The following PRR14L variants were observed in gnomAD, a reference collection of about 807,000 sequenced individuals.
The protein encoded by PRR14L is proline rich 14 like.
A neutral mutation model predicts 155.0 loss-of-function variants in PRR14L; 80 were observed. That is an observed-to-expected ratio of 0.52 (90% confidence interval 0.43 to 0.62). The LOEUF (loss-of-function observed/expected upper bound fraction) is 0.62, where lower values mean the gene tolerates loss of function less well. PRR14L is among the 20% of genes least tolerant of loss of function. The pLI is 0.00. For missense variants in PRR14L, 2,469 were observed against 2,548.0 expected (o/e 0.97, Z 0.67); for synonymous variants, 883 against 916.0 (o/e 0.96, Z 0.65).
In PRR14L at chr22:31,725,547, T is replaced by C. The variant is rs775136663; in HGVS notation, c.538A>G (p.Arg180Gly). Residue 180 changes from arginine (R) to glycine (G), a missense_variant, in exon 3 of 9, where the codon AGG (arginine) becomes GGG (glycine). By Grantham distance (125) the Arg-to-Gly change is moderately radical. Coordinates refer to ENST00000327423, the MANE Select transcript of PRR14L (RefSeq NM_173566.3). The stretch of plus-strand genomic sequence containing the variant: ...TGAGAGAAATAAATACCTTTGCTCC[T>C]TAGAAAATCTTCAGGGAGGTCCACA... ...SHVDLPEDFL[R>G]SKEGNVQITA... 5.5e-5 allele frequency: 85 copies of C among 1,548,086 alleles called. 2 individuals are homozygous for C. In the South Asian group the frequency reaches 9.2e-4, roughly 17 times the overall value.
Position 31,716,772 on chromosome 22 carries a change from G to T in PRR14L, c.1067C>A (p.Thr356Lys), listed in dbSNP as rs766025737. ...TSDLSGPESR[T>K]ISLENCGFEG... ...AAAACCACAGTTTTCTAAGGATATT[G>T]TTCTGGATTCTGGACCAGACAAGTC... Residue 356 changes from threonine (T) to lysine (K), a missense_variant, in exon 4 of 9, where the codon ACA becomes AAA. Physicochemically the swap from Thr to Lys is moderately conservative, Grantham distance 78 (BLOSUM62 -1). Around this residue, in one of 2 missense-constraint regions of PRR14L, gnomAD observed 2,363 missense variants for 2,371.6 expected, o/e 1.00. Transcript: ENST00000327423. 3.9e-6 allele frequency: 6 copies of T among 1,551,812 alleles called. No individual in the cohort carries two copies. Among genetic ancestry groups the T allele is most frequent in the Admixed American group, 2.0e-5 (1 of 50,996 alleles).
chr22:31,733,113 G>A (rs973490727), intron 2 of PRR14L, among the ~76,000 whole-genome samples: 5 of 150,538 alleles, frequency 3.3e-5, no homozygotes, highest in Non-Finnish European at 5.9e-5. Context: ...TCAACCTCCC[G>A]AGTAGCTGGG....
At chr22:31,693,026 C>T (rs1430758908) in intron 7 of PRR14L, among the ~76,000 whole-genome samples, 1 of 152,022 alleles carries the variant, frequency 6.6e-6, no homozygotes, top group African/African-American at 2.4e-5. Flanking sequence ...TCCCATATAG[C>T]CCCTACCCTC....
intron 2 of PRR14L, among the ~76,000 whole-genome samples, chr22:31,733,496 G>C (rs1365102842): frequency 6.6e-6 from 1 of 151,806 alleles, no homozygotes; most frequent in Non-Finnish European, 1.5e-5. Context: ...GTAGAGACAG[G>C]CTTTCACCAT....
intron 2 of PRR14L, among the ~76,000 whole-genome samples, chr22:31,732,223 T>C (rs1326350051): frequency 1.3e-5 from 2 of 152,222 alleles, no homozygotes; most frequent in African/African-American, 2.4e-5. Context: ...TTGATTTGCA[T>C]TTTTTACTTA....
Position 31,712,417 on chromosome 22 carries a change from T to C in PRR14L, c.5422A>G (p.Ile1808Val), listed in dbSNP as rs368205235. The C allele has an allele frequency of 2.5e-5, 39 of 1,577,344 alleles. No individual in the cohort carries two copies. Among genetic ancestry groups the C allele is most frequent in the Non-Finnish European group, 3.3e-5 (38 of 1,160,958 alleles). Reference sequence around the variant, plus strand: ...GAGCAGTCTGCTCTGGTCTGGACTATGGCAGTGCCTCCATAGTCTTGGAGA... The same window carrying C: ...GAGCAGTCTGCTCTGGTCTGGACTACGGCAGTGCCTCCATAGTCTTGGAGA... The part of the protein sequence containing the change: ...APLQDYGGTA[I>V]VQTRADCSVL... Residue 1808 changes from isoleucine (I) to valine (V), a missense_variant, in exon 4 of 9, where the codon ATA (isoleucine) becomes GTA (valine). By Grantham distance (29) the Ile-to-Val change is conservative. Around this residue, in one of 2 missense-constraint regions of PRR14L, gnomAD observed 2,363 missense variants for 2,371.6 expected, o/e 1.00. Transcript: ENST00000327423.
At chr22:31,686,896 C>T (rs2074484839) in intron 8 of PRR14L, among the ~76,000 whole-genome samples, 1 of 152,184 alleles carries the variant, frequency 6.6e-6, no homozygotes. Context: ...TAAATGTTCA[C>T]TGACTTGAAT....
rs568211816 is a variant in PRR14L, at chr22:31,682,336, G to C, written c.*3191C>G. On this transcript the variant is annotated 3_prime_UTR_variant, in exon 9 of 9. Coordinates refer to ENST00000327423, the MANE Select transcript of PRR14L (RefSeq NM_173566.3). ...TTTCACAGCTCTTGAGGAGCGCTGAGTTTTGGGATTCACAGCATGGGTTTC... is the reference window on the plus strand; with the variant it reads ...TTTCACAGCTCTTGAGGAGCGCTGACTTTTGGGATTCACAGCATGGGTTTC... 1.5e-4 allele frequency: 23 copies of C among 152,306 alleles called. No individual in the cohort carries two copies. Among genetic ancestry groups the C allele is most frequent in the African/African-American group, 5.3e-4 (22 of 41,548 alleles). 9.4% of individuals were successfully genotyped at this position (152,306 alleles called of 1,614,324 possible). A position where few individuals can be genotyped will look rare whatever the true frequency, so the allele number is the denominator to read the frequency against.
At chr22:31,732,139 T>C (rs1037347333) in intron 2 of PRR14L, among the ~76,000 whole-genome samples, 1 of 152,234 alleles carries the variant, frequency 6.6e-6, no homozygotes, top group Non-Finnish European at 1.5e-5. Context: ...ATAGGTTTTA[T>C]ACAAATAAGC....
intron 7 of PRR14L, among the ~76,000 whole-genome samples, chr22:31,698,049 A>C (rs994163526): frequency 6.0e-5 from 8 of 133,080 alleles, no homozygotes; most frequent in African/African-American, 1.8e-4. Context: ...ATCCTATAAG[A>C]TGTTGTAATT....
intron 1 of PRR14L, among the ~76,000 whole-genome samples, chr22:31,744,243 C>T (rs1026882687): frequency 2.6e-5 from 4 of 151,860 alleles, no homozygotes; most frequent in Non-Finnish European, 5.9e-5. Context: ...AGAGATTCTC[C>T]CGCCCCAGCC....
intron 7 of PRR14L, among the ~76,000 whole-genome samples, chr22:31,688,461 GC>G (rs1369402423): frequency 5.9e-5 from 9 of 151,872 alleles, no homozygotes; most frequent in Non-Finnish European, 1.3e-4. Context: ...ACTGTGCACA[GC>G]CTCATGTTCT....
At chr22:31,707,267 G>C (rs2074597071) in intron 4 of PRR14L, among the ~76,000 whole-genome samples, 1 of 152,168 alleles carries the variant, frequency 6.6e-6, no homozygotes, top group African/African-American at 2.4e-5. Context: ...CATGAGGTGG[G>C]AAAGAAAGAG....
Position 31,714,066 on chromosome 22 carries a change from AG to A in PRR14L, c.3772del (p.Leu1258Ter). 2 of 1,549,986 alleles carry A rather than the reference AG, an allele frequency of 1.3e-6. No individual in the cohort carries two copies. Among genetic ancestry groups the A allele is most frequent in the South Asian group, 1.2e-5 (1 of 83,490 alleles). ...ATCTTTTGGTTTACAAAGATTTTTCAGGTCAGTTTCTTCACTGTTAACATTA... is the reference window on the plus strand; with the variant it reads ...ATCTTTTGGTTTACAAAGATTTTTCAGTCAGTTTCTTCACTGTTAACATTA... ...ETNVNSEETD[L>X]KNLCKPKDGE... On this transcript the variant is annotated frameshift_variant, in exon 4 of 9. Coordinates refer to ENST00000327423, the MANE Select transcript of PRR14L (RefSeq NM_173566.3). LOFTEE classifies it high-confidence loss of function.
At chr22:31,730,361 C>T (rs901317481) in intron 2 of PRR14L, among the ~76,000 whole-genome samples, 2 of 151,984 alleles carry the variant, frequency 1.3e-5, no homozygotes, top group African/African-American at 4.8e-5. Context: ...CTGTTTGAAC[C>T]GGGACCCGGG....
At chr22:31,687,772 G>A (rs762852721) in intron 8 of PRR14L, among the ~76,000 whole-genome samples, 1 of 151,438 alleles carries the variant, frequency 6.6e-6, no homozygotes, top group Admixed American at 6.6e-5. Context: ...GGCCGGGCGC[G>A]GTGGCTCACA....
intron 1 of PRR14L, among the ~76,000 whole-genome samples, chr22:31,745,558 C>T (rs907803311): frequency 1.3e-5 from 2 of 151,770 alleles, no homozygotes; most frequent in African/African-American, 4.8e-5. Context: ...AGAAATACAT[C>T]TCTACAGCCG....
In PRR14L at chr22:31,712,589, T is replaced by C; in HGVS notation, c.5250A>G (p.Gly1750=). ...GTTGAGACGGGCACTGGAGGGCCTC[T>C]CCTAAGGCAAGCCTTGCCGGAGCAC... ...EHCAPARLAL[G]EALQCPSQPP... is the part of the protein sequence containing the mutation. Residue 1750 remains glycine, a synonymous_variant, in exon 4 of 9, where the codon GGA becomes GGG. Coordinates refer to ENST00000327423, the MANE Select transcript of PRR14L (RefSeq NM_173566.3). 2.6e-6 allele frequency: 4 copies of C among 1,551,704 alleles called. No homozygotes were observed. Among genetic ancestry groups the C allele is most frequent in the South Asian group, 2.4e-5 (2 of 84,060 alleles).
At position 31,715,644 on chromosome 22, in the gene PRR14L, G is replaced by T. The variant is rs1376130845; in HGVS notation, c.2195C>A (p.Thr732Asn). 1 of 1,552,150 alleles carries T rather than the reference G, an allele frequency of 6.4e-7. No individual in the cohort carries two copies. Among genetic ancestry groups the T allele is most frequent in the Admixed American group, 2.0e-5 (1 of 50,998 alleles). The change falls in exon 4 of 9, where the codon ACC becomes AAC. Residue 732 changes from threonine (T) to asparagine (N), a missense_variant. Transcript: ENST00000327423. ...TAGGCTTACTGGTTTGATGTTTAAGGTGGGACAGTTTGAAGAGGCACCACA... is the reference window on the plus strand; with the variant it reads ...TAGGCTTACTGGTTTGATGTTTAAGTTGGGACAGTTTGAAGAGGCACCACA... ...QTCGASSNCP[T>N]LNIKPVSLER...
Sources: allele counts gnomAD v4.1 joint callset (sites outside exome capture counted in the v4.1 genomes callset), GRCh38; gene constraint gnomAD v4.1.1; regional missense constraint gnomAD v4.1.1; transcripts MANE v1.5; gene names NCBI Gene and HGNC (gene_info 2026-07-23, HGNC 2026-07-21).